Variants in ANKRD11 observed in about 807,000 individuals in gnomAD.
ANKRD11 encodes the protein ankyrin repeat domain 11, also known as ankyrin repeat domain-containing protein 11.
ANKRD11 carries 17 observed loss-of-function variants against 195.7 expected under a neutral mutation model. The ratio of observed to expected loss-of-function variants is 0.09; its 90% confidence interval spans 0.06 to 0.13. The LOEUF is 0.13. Ranked by LOEUF, ANKRD11 falls within the 10% of genes least tolerant of loss-of-function variation. The pLI, the probability that ANKRD11 is intolerant of heterozygous loss-of-function variation, is 1.00. For synonymous variants in ANKRD11, 1,953 were observed against 1,528.1 expected (o/e 1.28, Z -6.49); for missense variants, 3,735 against 3,566.1 (o/e 1.05, Z -1.21).
chr16:89,307,635 C>T (rs556248287), intron 3 of ANKRD11, among the ~76,000 whole-genome samples: 7 of 152,240 alleles, frequency 4.6e-5, no homozygotes, highest in African/African-American at 1.7e-4. Context: ...CAGGTCCTCC[C>T]GGCCCTCGGC....
At chr16:89,487,330 C>T (rs372006650) in intron 1 of ANKRD11, among the ~76,000 whole-genome samples, 56 of 152,334 alleles carry the variant, frequency 3.7e-4, no homozygotes, top group African/African-American at 1.1e-3. Context: ...CTTATTTTGG[C>T]AACAAAATGC....
intron 2 of ANKRD11, among the ~76,000 whole-genome samples, chr16:89,363,449 C>T (rs1420596068): frequency 6.7e-6 from 1 of 149,838 alleles, no homozygotes; most frequent in East Asian, 2.0e-4. Flanking sequence ...ACGTTGTGCA[C>T]ATGTACCCTA....
intron 1 of ANKRD11, chr16:89,431,347 T>G (rs1199790687): frequency 6.5e-6 from 1 of 153,000 alleles, no homozygotes; most frequent in Non-Finnish European, 1.5e-5. Context: ...AGCGAGCTGG[T>G]GAGTGGCTGC....
At chr16:89,290,332 C>A (rs1219213703) in intron 6 of ANKRD11, among the ~76,000 whole-genome samples, 2 of 104,808 alleles carry the variant, frequency 1.9e-5, no homozygotes, top group Non-Finnish European at 4.1e-5. Flanking sequence ...AGGCTCAGGG[C>A]TCCAGCGGGG....
At chr16:89,444,250 A>G (rs1252592760) in intron 1 of ANKRD11, among the ~76,000 whole-genome samples, 1 of 152,132 alleles carries the variant, frequency 6.6e-6, no homozygotes, top group African/African-American at 2.4e-5. Context: ...GTGGAAATGC[A>G]GTCAGCAGAA....
intron 2 of ANKRD11, chr16:89,360,776 C>T (rs936251496): frequency 6.6e-6 from 1 of 152,222 alleles, no homozygotes; most frequent in African/African-American, 2.4e-5. Context: ...GAAAAGATTT[C>T]GATTCACTAA....
chr16:89,407,434 T>C (rs972996931), intron 2 of ANKRD11, among the ~76,000 whole-genome samples: 11 of 152,024 alleles, frequency 7.2e-5, no homozygotes, highest in Non-Finnish European at 1.6e-4. Flanking sequence ...CTTCCCAGCA[T>C]TTCCTGCCAG....
intron 4 of ANKRD11, among the ~76,000 whole-genome samples, chr16:89,301,842 C>T (rs890514658): frequency 2.0e-5 from 3 of 152,296 alleles, no homozygotes; most frequent in South Asian, 2.1e-4. Context: ...GGCACTGGAC[C>T]GCGGGCAGGG....
intron 6 of ANKRD11, 93 bp from the exon 7 acceptor site, chr16:89,288,763 G>A: frequency 2.5e-6 from 4 of 1,588,592 alleles, no homozygotes; most frequent in East Asian, 2.2e-5. Flanking sequence ...CTACAGTGCG[G>A]GGACAAGCCA....
At chr16:89,321,542 G>A (rs1461118037) in intron 2 of ANKRD11, among the ~76,000 whole-genome samples, 3 of 152,014 alleles carry the variant, frequency 2.0e-5, no homozygotes, top group Non-Finnish European at 4.4e-5. Context: ...AGAGGCCTTG[G>A]CATCACCAGG....
chr16:89,460,619 C>T (rs923252796), intron 1 of ANKRD11, among the ~76,000 whole-genome samples: 24 of 152,142 alleles, frequency 1.6e-4, no homozygotes, highest in Non-Finnish European at 2.6e-4. Flanking sequence ...CGCATGTAAT[C>T]TCAGCACTAT....
chr16:89,285,691 A>T lies in ANKRD11; in HGVS notation c.893-42T>A. The T allele has an allele frequency of 3.7e-6, 6 of 1,602,210 alleles. No homozygotes were observed. Among genetic ancestry groups the T allele is most frequent in the Non-Finnish European group, 4.3e-6 (5 of 1,169,272 alleles). ...GCGAGAGGTCACAGGCAGGCTCAAA[A>T]CAGCTCTCCCCAGAATGGCAGAGGA... On this transcript the variant is annotated intron_variant, in intron 8 of 12. Coordinates refer to ENST00000301030, the MANE Select transcript of ANKRD11 (RefSeq NM_013275.6). The surrounding 1 kb of genome is among the most constrained non-coding windows in gnomAD (Gnocchi z 5.6).
chr16:89,387,398 C>T (rs1189239815), intron 2 of ANKRD11, among the ~76,000 whole-genome samples: 1 of 151,880 alleles, frequency 6.6e-6, no homozygotes, highest in Non-Finnish European at 1.5e-5. Context: ...TTGGGCCGGG[C>T]GCGGTGGCTC....
rs1253174351 is a variant in ANKRD11, at chr16:89,280,414, G to A, written c.6128C>T (p.Ala2043Val). The A allele has an allele frequency of 1.3e-6, 2 of 1,565,162 alleles. No individual in the cohort carries two copies. The highest frequency in any genetic ancestry group is 1.7e-6 in the Non-Finnish European group (2 of 1,155,624). Residue 2043 changes from alanine (A) to valine (V), a missense_variant, in exon 9 of 13, where the codon GCC becomes GTC. Transcript: ENST00000301030. The stretch of plus-strand genomic sequence containing the variant: ...TGAGGTGGAGATGGCGGCGGGGACG[G>A]CGTCCACTCCGTCCTTGACGTCCTC... ...GLEDVKDGVD[A>V]VPAAISTSEA...
chr16:89,435,602 G>C (rs1455655448), intron 1 of ANKRD11, among the ~76,000 whole-genome samples: 1 of 152,040 alleles, frequency 6.6e-6, no homozygotes, highest in Non-Finnish European at 1.5e-5. Flanking sequence ...CCATCTTTAA[G>C]AACTGTGACA....
rs1287679506 is a variant in ANKRD11 at position 89,342,224 on chromosome 16, T to G, written c.-59-25146A>C. Among the ~76,000 whole-genome samples the G allele has an allele frequency of 2.0e-5, 3 of 152,248 alleles. No homozygotes were observed. In the East Asian group the frequency reaches 5.8e-4, roughly 29 times the overall value. On this transcript the variant is annotated intron_variant, in intron 2 of 12. Transcript: ENST00000301030. ...GTCTCCACCATGAGAGAGAAAAAGA[T>G]GAGGTCAACTGCCTGGGCAAAGGTT... is the stretch of plus-strand genomic sequence containing the variant.
chr16:89,412,967 G>C (rs979340512), intron 2 of ANKRD11, among the ~76,000 whole-genome samples: 2 of 152,098 alleles, frequency 1.3e-5, no homozygotes, highest in African/African-American at 2.4e-5. Flanking sequence ...GCACACATGA[G>C]GGAAAACAGC....
At chr16:89,465,591 A>G (rs1312912012) in intron 1 of ANKRD11, among the ~76,000 whole-genome samples, 1 of 152,194 alleles carries the variant, frequency 6.6e-6, no homozygotes, top group East Asian at 1.9e-4. Flanking sequence ...ACCATGAGAC[A>G]AAGGAAAAAG....
At chr16:89,302,419 AT>A (rs1236503761) in intron 4 of ANKRD11, among the ~76,000 whole-genome samples, 10 of 152,084 alleles carry the variant, frequency 6.6e-5, no homozygotes, top group African/African-American at 2.4e-4. Context: ...CACCTGGCTA[AT>A]TTTTGTATTT....
Sources: allele counts gnomAD v4.1 joint callset (sites outside exome capture counted in the v4.1 genomes callset), GRCh38; gene constraint gnomAD v4.1.1; non-coding constraint Gnocchi (gnomAD v3.1); transcripts MANE v1.5; gene names NCBI Gene and HGNC (gene_info 2026-07-23, HGNC 2026-07-21).